Variants in DNER observed in about 807,000 individuals in gnomAD.
DNER encodes the protein delta/notch like EGF repeat containing.
DNER carries 33 observed loss-of-function variants against 78.2 expected under a neutral mutation model. The ratio of observed to expected loss-of-function variants is 0.42; its 90% CI spans 0.32 to 0.56. The LOEUF is 0.56. Ranked by LOEUF, DNER falls within the 20% of genes least tolerant of loss-of-function variation. The pLI is 0.11. For synonymous variants in DNER, 417 were observed against 384.8 expected (o/e 1.08, Z -0.98); for missense variants, 918 against 975.3 (o/e 0.94, Z 0.78).
At chr2:229,508,268 C>T (rs1211480611) in intron 6 of DNER, among the ~76,000 whole-genome samples, 1 of 152,170 alleles carries the variant, frequency 6.6e-6, no homozygotes, top group African/African-American at 2.4e-5. Flanking sequence ...GATATGACCT[C>T]CTATAATTGG....
chr2:229,629,858 C>T (rs1698405280), intron 1 of DNER, among the ~76,000 whole-genome samples: 1 of 152,154 alleles, frequency 6.6e-6, no homozygotes, highest in African/African-American at 2.4e-5. Context: ...ATTGTGGTTG[C>T]TTCTTGATCA....
intron 8 of DNER, among the ~76,000 whole-genome samples, chr2:229,434,598 TG>T (rs1454214828): frequency 6.6e-6 from 1 of 152,186 alleles, no homozygotes; most frequent in Non-Finnish European, 1.5e-5. Flanking sequence ...ACACAGCATT[TG>T]TTCATTTAAG....
intron 8 of DNER, among the ~76,000 whole-genome samples, chr2:229,436,993 A>T (rs1694134702): frequency 6.6e-6 from 1 of 152,244 alleles, no homozygotes; most frequent in Non-Finnish European, 1.5e-5. Context: ...ATTAAAAGGC[A>T]CAGAGTGGCC....
chr2:229,576,571 G>A (rs1007952128), intron 4 of DNER, among the ~76,000 whole-genome samples: 1 of 152,104 alleles, frequency 6.6e-6, no homozygotes, highest in Non-Finnish European at 1.5e-5. Context: ...GTTGCAAGGA[G>A]CTATGGCATG....
chr2:229,492,899 G>A (rs116746420), intron 6 of DNER, among the ~76,000 whole-genome samples: 2 of 152,196 alleles, frequency 1.3e-5, no homozygotes, highest in African/African-American at 4.8e-5. Flanking sequence ...TCAAACTCAT[G>A]GCCTCAAGTT....
chr2:229,590,412 C>A (rs79418265), intron 2 of DNER, among the ~76,000 whole-genome samples: 2,393 of 152,258 alleles, frequency 0.016, 68 homozygotes, highest in African/African-American at 0.055. Context: ...TCTTTCTAAA[C>A]CCCATTGAAA....
chr2:229,362,637 C>T (rs1247214184), intron 12 of DNER, among the ~76,000 whole-genome samples: 1 of 152,158 alleles, frequency 6.6e-6, no homozygotes, highest in African/African-American at 2.4e-5. Context: ...ACATGGTCCC[C>T]TACATTCTTG....
At chr2:229,490,001 T>C (rs1695363565) in intron 6 of DNER, among the ~76,000 whole-genome samples, 2 of 149,996 alleles carry the variant, frequency 1.3e-5, no homozygotes, top group South Asian at 4.3e-4. Context: ...GAAGGGGAGA[T>C]CAAAGTGGAG....
At chr2:229,518,716 T>C (rs1466466642) in intron 5 of DNER, among the ~76,000 whole-genome samples, 1 of 152,202 alleles carries the variant, frequency 6.6e-6, no homozygotes, top group Non-Finnish European at 1.5e-5. Flanking sequence ...CACTGAGCTG[T>C]TATTTCACCT....
At chr2:229,685,710 C>T (rs559636673) in intron 1 of DNER, among the ~76,000 whole-genome samples, 1 of 152,246 alleles carries the variant, frequency 6.6e-6, no homozygotes, top group African/African-American at 2.4e-5. Context: ...TTTATTCATT[C>T]AACAATGGTC....
chr2:229,532,049 G>A (rs576586217), intron 5 of DNER, among the ~76,000 whole-genome samples: 1 of 152,228 alleles, frequency 6.6e-6, no homozygotes, highest in South Asian at 2.1e-4. Flanking sequence ...TTATTTTGGG[G>A]GTGATGAGAA....
intron 6 of DNER, among the ~76,000 whole-genome samples, chr2:229,505,778 T>C (rs999022188): frequency 6.6e-6 from 1 of 152,216 alleles, no homozygotes. Context: ...AATGTCAATG[T>C]AAAAAGATAT....
chr2:229,496,307 C>T (rs1695500965), intron 6 of DNER, among the ~76,000 whole-genome samples: 2 of 152,062 alleles, frequency 1.3e-5, no homozygotes, highest in African/African-American at 4.8e-5. Context: ...AATCTATAGT[C>T]CATTTAATAT....
At chr2:229,682,275 C>T (rs1256657092) in intron 1 of DNER, among the ~76,000 whole-genome samples, 8 of 152,176 alleles carry the variant, frequency 5.3e-5, no homozygotes, top group African/African-American at 1.9e-4. Flanking sequence ...AAACCTTGTA[C>T]ATAGAATGTT....
At chr2:229,703,646 A>G (rs1238985268) in intron 1 of DNER, among the ~76,000 whole-genome samples, 3 of 152,236 alleles carry the variant, frequency 2.0e-5, no homozygotes, top group Non-Finnish European at 4.4e-5. Flanking sequence ...TGAGAGGCCA[A>G]GGTGGGCAGA....
intron 6 of DNER, among the ~76,000 whole-genome samples, chr2:229,479,289 C>T (rs530853539): frequency 2.0e-5 from 3 of 152,108 alleles, no homozygotes; most frequent in Non-Finnish European, 2.9e-5. Context: ...TCACACAGTC[C>T]GCCTAAGGTT....
Position 229,610,659 on chromosome 2 carries a change from A to G in DNER, c.277-18771T>C, listed in dbSNP as rs192945420. 7.9e-5 allele frequency among the ~76,000 whole-genome samples: 12 copies of G among 152,004 alleles called. 1 individual carries two copies. Among genetic ancestry groups the G allele is most frequent in the African/African-American group, 2.4e-4 (10 of 41,426 alleles). On this transcript the variant is annotated intron_variant, in intron 1 of 12. Transcript: ENST00000341772. The stretch of plus-strand genomic sequence containing the variant: ...ACGGTAAGAGCAGCTTCATTTGGCA[A>G]TGCTCAGAAATGTGTCATTTCCTCA...
chr2:229,384,235 A>G (rs1268146829), intron 11 of DNER, among the ~76,000 whole-genome samples: 1 of 152,250 alleles, frequency 6.6e-6, no homozygotes, highest in African/African-American at 2.4e-5. Flanking sequence ...ACAATGTACC[A>G]GAATCTCTGG....
chr2:229,392,275 G>GAA (rs200048129), intron 10 of DNER, among the ~76,000 whole-genome samples: 4,041 of 128,256 alleles, frequency 0.032, 82 homozygotes, highest in African/African-American at 0.06. Flanking sequence ...TGAAATATAT[G>GAA]AAAAAAAAAA....
Sources: allele counts gnomAD v4.1 joint callset (sites outside exome capture counted in the v4.1 genomes callset), GRCh38; gene constraint gnomAD v4.1.1; transcripts MANE v1.5; gene names NCBI Gene and HGNC (gene_info 2026-07-23, HGNC 2026-07-21).